Variants in GEMIN5 observed in about 807,000 individuals in gnomAD.
The protein encoded by GEMIN5 is gem nuclear organelle associated protein 5.
In GEMIN5, 124 loss-of-function variants were observed where a neutral mutation model predicts 176.9. The observed-to-expected ratio is 0.70, with a 90% CI of 0.61 to 0.81. The LOEUF (loss-of-function observed/expected upper bound fraction) is 0.81, where lower values mean the gene tolerates loss of function less well. GEMIN5 is among the 40% of genes least tolerant of loss of function. The pLI is 0.00. For missense variants in GEMIN5, 1,843 were observed against 1,814.6 expected (o/e 1.02, Z -0.28); for synonymous variants, 673 against 665.2 (o/e 1.01, Z -0.18).
At chr5:154,929,953 A>AGT (rs948036893) in intron 5 of GEMIN5, among the ~76,000 whole-genome samples, 7 of 152,240 alleles carry the variant, frequency 4.6e-5, no homozygotes, top group African/African-American at 1.7e-4. Context: ...AATGTCCATC[A>AGT]GTGTGTGAGA....
intron 15 of GEMIN5, among the ~76,000 whole-genome samples, chr5:154,908,171 CCTTTTTTT>C (rs1763611881): frequency 1.1e-5 from 1 of 88,698 alleles, no homozygotes; most frequent in African/African-American, 4.5e-5. Flanking sequence ...ACCCAGATGT[CCTTTTTTT>C]TTTTTTTTTT....
intron 15 of GEMIN5, among the ~76,000 whole-genome samples, chr5:154,908,546 C>G (rs372516978): frequency 3.1e-4 from 47 of 152,304 alleles, no homozygotes; most frequent in East Asian, 2.9e-3. Flanking sequence ...GGTTGCCATG[C>G]CTTTCTGGTT....
chr5:154,889,298 A>G, intron 27 of GEMIN5, 23 bp downstream of exon 27: 2 of 1,228,806 alleles, frequency 1.6e-6, no homozygotes, highest in Admixed American at 3.4e-5. Flanking sequence ...ATGCTTTACC[A>G]AATGAACTGC....
At chr5:154,937,903 C>G (rs1764303208) in intron 1 of GEMIN5, 65 bp downstream of exon 1, 2 of 1,373,448 alleles carry the variant, frequency 1.5e-6, no homozygotes. Flanking sequence ...GTGGAGTCGT[C>G]CACTCGGCGC....
intron 12 of GEMIN5, 30 bp downstream of exon 12, chr5:154,917,901 A>G (rs1763844703): frequency 6.7e-7 from 1 of 1,492,362 alleles, no homozygotes; most frequent in South Asian, 1.1e-5. Flanking sequence ...GCGATTGCAA[A>G]TTTTTTATCT....
At chr5:154,889,575 G>A (rs1296204247) in intron 26 of GEMIN5, among the ~76,000 whole-genome samples, 158 bp from the exon 27 acceptor site, 1 of 152,128 alleles carries the variant, frequency 6.6e-6, no homozygotes, top group African/African-American at 2.4e-5. Context: ...AATTCATAAT[G>A]TGGTGAAAAA....
At chr5:154,895,914 C>T (rs1290503355) in intron 24 of GEMIN5, among the ~76,000 whole-genome samples, 178 bp downstream of exon 24, 1 of 152,152 alleles carries the variant, frequency 6.6e-6, no homozygotes, top group African/African-American at 2.4e-5. Flanking sequence ...CTAATACTAA[C>T]TTTAAAGTTA....
In GEMIN5 at chr5:154,907,608, C is replaced by T; in HGVS notation, c.2378G>A (p.Cys793Tyr). 9.3e-6 allele frequency: 15 copies of T among 1,613,584 alleles called. No homozygotes were observed. The highest frequency in any genetic ancestry group is 1.3e-5 in the Non-Finnish European group (15 of 1,179,488). Residue 793 changes from cysteine to tyrosine, a missense_variant, in exon 16 of 28, where the codon TGT becomes TAT. Physicochemically the swap from Cys to Tyr is radical, Grantham distance 194. Transcript: ENST00000285873. The stretch of plus-strand genomic sequence containing the variant: ...CCACATACCCGCTGGAGCAAGGCCA[C>T]AGGGTAATTCCGGCTCCCGTGCTTG... ...EEQAREPELP[C>Y]GLAPAVSREP...
chr5:154,890,048 G>C (rs1267761394), intron 26 of GEMIN5, among the ~76,000 whole-genome samples: 1 of 152,242 alleles, frequency 6.6e-6, no homozygotes, highest in Non-Finnish European at 1.5e-5. Context: ...CTGCTGTACT[G>C]TTTTCCACAG....
At chr5:154,907,409 C>A (rs1763589514) in intron 16 of GEMIN5, among the ~76,000 whole-genome samples, 182 bp downstream of exon 16, 2 of 151,462 alleles carry the variant, frequency 1.3e-5, no homozygotes, top group African/African-American at 4.9e-5. Context: ...CCACTAGAAC[C>A]CCTTTAAAAC....
chr5:154,909,133 A>ATTTTTTTTTTTTTT (rs70981958), intron 15 of GEMIN5, among the ~76,000 whole-genome samples: 1 of 99,732 alleles, frequency 1.0e-5, no homozygotes, highest in Non-Finnish European at 1.9e-5. Context: ...TAATTTTTGT[A>ATTTTTTTTTTTTTT]TTTTTTTTTT....
In GEMIN5 at chr5:154,911,869, C is replaced by T. The variant is rs145213403; in HGVS notation, c.2025G>A (p.Leu675=). The change falls in exon 15 of 28, where the codon CTG becomes CTA. Residue 675 remains leucine, a synonymous_variant. Transcript: ENST00000285873. ...QVWDALREEP[L]CNFRGHRGRL... is the part of the protein sequence containing the mutation. ...GACCTCGATGTCCTCGGAAATTGCA[C>T]AGGGGCTCTTCCCGGAGAGCATCCC... 1 of 1,614,124 alleles carries T rather than the reference C, an allele frequency of 6.2e-7. No homozygotes were observed. Among genetic ancestry groups the T allele is most frequent in the Admixed American group, 1.7e-5 (1 of 60,024 alleles).
intron 14 of GEMIN5, among the ~76,000 whole-genome samples, chr5:154,912,247 A>G (rs1380708081): frequency 3.3e-5 from 5 of 152,244 alleles, no homozygotes; most frequent in Admixed American, 2.6e-4. Flanking sequence ...CACAGAAATT[A>G]GACTTCTAAT....
At chr5:154,912,116 G>A (rs1763715540) in intron 14 of GEMIN5, among the ~76,000 whole-genome samples, 1 of 152,122 alleles carries the variant, frequency 6.6e-6, no homozygotes, top group African/African-American at 2.4e-5. Flanking sequence ...ACATTTCTAC[G>A]GGGATGATTT....
chr5:154,935,093 T>C (rs1352796392), intron 3 of GEMIN5, among the ~76,000 whole-genome samples: 2 of 152,224 alleles, frequency 1.3e-5, no homozygotes, highest in African/African-American at 4.8e-5. Context: ...AACAAGCTCT[T>C]CCTCTTTTCA....
At chr5:154,920,871 A>C (rs1763907473) in intron 10 of GEMIN5, among the ~76,000 whole-genome samples, 1 of 152,216 alleles carries the variant, frequency 6.6e-6, no homozygotes, top group Non-Finnish European at 1.5e-5. Flanking sequence ...GACAAGGCTG[A>C]GGGGCTAGAA....
Position 154,919,968 on chromosome 5 carries a change from T to C in GEMIN5, c.1598A>G (p.Lys533Arg). The change falls in exon 11 of 28, where the codon AAA becomes AGA. Residue 533 changes from lysine to arginine, a missense_variant and splice_region_variant. Physicochemically the swap from Lys to Arg is conservative, Grantham distance 26. Coordinates refer to ENST00000285873, the MANE Select transcript of GEMIN5 (RefSeq NM_015465.5). ...TACTTCAGGACCACAAGAACTCACTTTGATTGAATTGGTGTCCCTGATGAG... is the reference window on the plus strand; with the variant it reads ...TACTTCAGGACCACAAGAACTCACTCTGATTGAATTGGTGTCCCTGATGAG... ...NKLIRDTNSIKYKLPVHTEIS... is the reference protein window; with the variant it reads ...NKLIRDTNSIRYKLPVHTEIS... 5 of 1,612,714 alleles carry C rather than the reference T, an allele frequency of 3.1e-6. No homozygotes were observed. The highest frequency in any genetic ancestry group is 4.2e-6 in the Non-Finnish European group (5 of 1,179,406).
chr5:154,891,613 G>C lies in GEMIN5; in HGVS notation c.3890C>G (p.Pro1297Arg). 6.2e-7 allele frequency: 1 copy of C among 1,614,126 alleles called. No homozygotes were observed. The highest frequency in any genetic ancestry group is 8.5e-7 in the Non-Finnish European group (1 of 1,180,026). Reference sequence around the variant, plus strand: ...AGCCCTTACCCAGACACTGGAATTTGGGCAAGGTCTGGAGAGAGACCACCA... The same window carrying C: ...AGCCCTTACCCAGACACTGGAATTTCGGCAAGGTCTGGAGAGAGACCACCA... ...EFWWSLSRPC[P>R]NSSVWVRAGH... The change falls in exon 26 of 28, where the codon CCA becomes CGA. Residue 1297 changes from proline to arginine, a missense_variant. By Grantham distance (103) the Pro-to-Arg change is moderately radical (BLOSUM62 -2). Transcript: ENST00000285873.
intron 17 of GEMIN5, 60 bp from the exon 18 acceptor site, chr5:154,904,689 A>G: frequency 7.3e-7 from 1 of 1,368,866 alleles, no homozygotes. Flanking sequence ...ATAAAACGGA[A>G]TGCCTATTGT....
Sources: allele counts gnomAD v4.1 joint callset (sites outside exome capture counted in the v4.1 genomes callset), GRCh38; gene constraint gnomAD v4.1.1; transcripts MANE v1.5; gene names NCBI Gene and HGNC (gene_info 2026-07-23, HGNC 2026-07-21).